The following KCP variants were observed in gnomAD, a reference collection of about 807,000 sequenced individuals.
The protein encoded by KCP is kielin cysteine rich BMP regulator.
KCP carries 194 observed loss-of-function variants against 212.7 expected under a neutral mutation model. That is an observed-to-expected ratio of 0.91 (90% CI 0.81 to 1.03). The LOEUF (loss-of-function observed/expected upper bound fraction) is 1.03. KCP is among the 50% of genes least tolerant of loss of function. The pLI, the probability that KCP is intolerant of heterozygous loss-of-function variation, is 0.00. For missense variants in KCP, 2,080 were observed against 2,162.5 expected (o/e 0.96, Z 0.76); for synonymous variants, 833 against 865.3 (o/e 0.96, Z 0.65).
chr7:128,899,578 T>A (rs1794719430), intron 8 of KCP, among the ~76,000 whole-genome samples: 1 of 152,244 alleles, frequency 6.6e-6, no homozygotes, highest in South Asian at 2.1e-4. Flanking sequence ...TTGTTTTTCA[T>A]AGTCAAGGAC....
rs1218596999 is a variant in KCP, at chr7:128,887,874, CAA to C, written c.2513-576_2513-575del. On this transcript the variant is annotated intron_variant, in intron 22 of 39. Coordinates refer to ENST00000610776, the MANE Select transcript of KCP (RefSeq NM_001366122.1). ...ACATACCCACCTACACACAGCCACA[CAA>C]ACATACACATAGCCACGCACACACA... is the stretch of plus-strand genomic sequence containing the variant. Among the ~76,000 whole-genome samples, 4 of 148,690 alleles carry C rather than the reference CAA, an allele frequency of 2.7e-5. No homozygotes were observed. In the South Asian group the frequency reaches 8.6e-4, roughly 32 times the overall value.
At chr7:128,885,616 A>G (rs928474702) in intron 26 of KCP, among the ~76,000 whole-genome samples, 10 of 150,232 alleles carry the variant, frequency 6.7e-5, no homozygotes, top group African/African-American at 2.4e-4. Context: ...ATCGCTAACC[A>G]TGTGCCCAAG....
rs371251310 is a variant in KCP at position 128,880,134 on chromosome 7, C to A, written c.3760-49G>T. The A allele has an allele frequency of 2.2e-5, 33 of 1,472,966 alleles. No individual in the cohort carries two copies. The African/African-American group carries it at 3.4e-4, about 15-fold the overall frequency. 91.2% of individuals were successfully genotyped at this position (1,472,966 alleles called of 1,614,324 possible). A position where few individuals can be genotyped will look rare whatever the true frequency, so the allele number is the denominator to read the frequency against. The stretch of plus-strand genomic sequence containing the variant: ...CAGACACACCGCCCTCCCCGCCATG[C>A]CTCTCGCAGACCCTCCCAGAAAACC... On this transcript the variant is annotated intron_variant, in intron 34 of 39. Transcript: ENST00000610776.
chr7:128,902,252 A>T (rs1794892759), intron 8 of KCP, among the ~76,000 whole-genome samples: 1 of 152,242 alleles, frequency 6.6e-6, no homozygotes, highest in Admixed American at 6.5e-5. Flanking sequence ...AACATATTTC[A>T]TTTGGTCCAA....
intron 1 of KCP, among the ~76,000 whole-genome samples, chr7:128,910,314 C>A (rs1304523248): frequency 6.6e-6 from 1 of 152,228 alleles, no homozygotes; most frequent in Admixed American, 6.5e-5. Context: ...CCTCCTTCGT[C>A]AAGACAAATA....
intron 2 of KCP, among the ~76,000 whole-genome samples, 160 bp downstream of exon 2, chr7:128,908,266 G>GAAAGA (rs1795249572): frequency 6.8e-6 from 1 of 146,368 alleles, no homozygotes; most frequent in African/African-American, 2.5e-5. Flanking sequence ...AAGAAAGAAA[G>GAAAGA]AAAGAAAGAA....
In KCP at chr7:128,879,526, AG is replaced by A; in HGVS notation, c.4141del (p.Leu1381SerfsTer13). On this transcript the variant is annotated frameshift_variant, in exon 37 of 40. Transcript: ENST00000610776. LOFTEE classifies it high-confidence loss of function. ...HTVILHAQPG[L>X]QVLWDGQSQV... ...AGACTCGCCCTGGAGCCGCACCTGG[AG>A]CCCGGGCTGGGCGTGCAGGATCACA... The A allele has an allele frequency of 6.5e-7, 1 of 1,548,890 alleles. No individual in the cohort carries two copies. The highest frequency in any genetic ancestry group is 8.7e-7 in the Non-Finnish European group (1 of 1,146,260).
intron 2 of KCP, among the ~76,000 whole-genome samples, 175 bp downstream of exon 2, chr7:128,908,244 AAAGAAAG>A (rs879116951): frequency 0.011 from 991 of 92,650 alleles, 15 homozygotes; most frequent in African/African-American, 0.034. Flanking sequence ...AGAAAGGAAG[AAAGAAAG>A]AAGAAAGAAA....
Position 128,892,856 on chromosome 7 carries a change from C to T in KCP, c.1420+13G>A. The stretch of plus-strand genomic sequence containing the variant: ...TGCAGGGGAAGAAAGCCAGGATCAG[C>T]CCAGGCACTCACCAGGGGGCTGGGT... On this transcript the variant is annotated intron_variant, in intron 14 of 39. Transcript: ENST00000610776. 6.4e-7 allele frequency: 1 copy of T among 1,551,182 alleles called. No individual in the cohort carries two copies. The highest frequency in any genetic ancestry group is 8.7e-7 in the Non-Finnish European group (1 of 1,146,774).
intron 8 of KCP, among the ~76,000 whole-genome samples, chr7:128,896,345 G>A (rs962778158): frequency 1.3e-5 from 2 of 152,154 alleles, no homozygotes; most frequent in Non-Finnish European, 2.9e-5. Context: ...TGGGATAGAG[G>A]CCCAACTGGG....
intron 6 of KCP, 71 bp from the exon 7 acceptor site, chr7:128,903,891 C>A: frequency 7.5e-7 from 1 of 1,338,142 alleles, no homozygotes; most frequent in South Asian, 1.3e-5. Context: ...GGGTGTTGGG[C>A]ACCCTCGGAG....
At position 128,902,853 on chromosome 7, in the gene KCP, G is replaced by A; in HGVS notation, c.755C>T (p.Thr252Ile). ...ATGTTCCCAGTGAGAGCCACCTTCT[G>A]TGCAGCCTAGGGTTGAGGGGTTGAG... ...GHCCPTCQGC[T>I]EGGSHWEHGQ... The change falls in exon 8 of 40, where the codon ACA becomes ATA. Residue 252 changes from threonine (T) to isoleucine (I), a missense_variant. Thr to Ile is a moderately conservative substitution (Grantham distance 89). Coordinates refer to ENST00000610776, the MANE Select transcript of KCP (RefSeq NM_001366122.1). 2.6e-6 allele frequency: 4 copies of A among 1,551,326 alleles called. No individual in the cohort carries two copies. Among genetic ancestry groups the A allele is most frequent in the Middle Eastern group, 1.7e-4 (1 of 5,992 alleles).
intron 8 of KCP, among the ~76,000 whole-genome samples, chr7:128,902,003 G>T (rs865874696): frequency 2.6e-5 from 4 of 152,160 alleles, no homozygotes; most frequent in Non-Finnish European, 5.9e-5. Flanking sequence ...GATCTGTGCT[G>T]CCCGGTAGAA....
intron 5 of KCP, chr7:128,904,471 C>T (rs1392463223): frequency 1.0e-6 from 1 of 969,954 alleles, no homozygotes; most frequent in African/African-American, 1.6e-5. Flanking sequence ...CCTTCCTGTT[C>T]CATCCCTCTC....
Position 128,893,989 on chromosome 7 carries a change from T to C in KCP, c.992A>G (p.His331Arg). ...EPVGSGDPCS[H>R]CRCANGSVQC... is the part of the protein sequence containing the mutation. ...AGCCACACTCACAGCACAGCGGCAG[T>C]GCGAGCAGGGGTCCCCTGAGCCCAC... Residue 331 changes from histidine (H) to arginine (R), a missense_variant, in exon 10 of 40, where the codon CAC (histidine) becomes CGC (arginine). Physicochemically the swap from His to Arg is conservative, Grantham distance 29. Coordinates refer to ENST00000610776, the MANE Select transcript of KCP (RefSeq NM_001366122.1). The C allele has an allele frequency of 9.0e-6, 14 of 1,550,100 alleles. No homozygotes were observed. The highest frequency in any genetic ancestry group is 1.2e-5 in the Non-Finnish European group (14 of 1,146,400).
chr7:128,886,382 G>A (rs1793643808), intron 26 of KCP, 82 bp downstream of exon 26: 10 of 1,187,372 alleles, frequency 8.4e-6, no homozygotes, highest in Non-Finnish European at 1.1e-5. Flanking sequence ...AGAAGAGCTG[G>A]CTGAGGGGAG....
At chr7:128,902,647 A>T in intron 8 of KCP, 130 bp downstream of exon 8, 1 of 823,698 alleles carries the variant, frequency 1.2e-6, no homozygotes. Context: ...CCCCCAGCAG[A>T]CAGCGCCTAG....
chr7:128,885,473 TC>T (rs1793595444), intron 26 of KCP, among the ~76,000 whole-genome samples: 1 of 152,140 alleles, frequency 6.6e-6, no homozygotes, highest in Non-Finnish European at 1.5e-5. Flanking sequence ...TGGGTTCTAA[TC>T]CTGTTCTGTT....
At chr7:128,884,376 G>C (rs113972988) in intron 28 of KCP, among the ~76,000 whole-genome samples, 2 of 152,198 alleles carry the variant, frequency 1.3e-5, no homozygotes, top group African/African-American at 4.8e-5. Context: ...TTGATCCTCC[G>C]GCAGGCTCAT....
Sources: gnomAD v4.1 joint callset for allele counts (sites outside exome capture counted in the v4.1 genomes callset) on GRCh38, gnomAD v4.1.1 for gene constraint, MANE v1.5 for transcripts, NCBI Gene and HGNC (gene_info 2026-07-23, HGNC 2026-07-21) for gene names.